The following ANO10 variants were observed in gnomAD, a reference collection of about 807,000 sequenced individuals.
The protein encoded by ANO10 is anoctamin-10.
Under a neutral mutation model 74.7 loss-of-function variants are expected in ANO10, and 77 were observed. The ratio of observed to expected loss-of-function variants is 1.03; its 90% CI spans 0.86 to 1.25. ANO10 has a LOEUF of 1.25. ANO10 is among the 50% of genes most tolerant of loss of function. The pLI, the probability that ANO10 is intolerant of heterozygous loss-of-function variation, is 0.00. For synonymous variants in ANO10, 279 were observed against 284.9 expected, an observed-to-expected ratio of 0.98 and a Z score of 0.21; for missense variants, 721 against 778.1, an observed-to-expected ratio of 0.93 and a Z score of 0.87.
intron 4 of ANO10, among the ~76,000 whole-genome samples, chr3:43,590,046 G>A (rs941271023): frequency 2.6e-5 from 4 of 152,064 alleles, no homozygotes; most frequent in African/African-American, 9.7e-5. Context: ...CTAAATTTTT[G>A]TACTATTTGA....
intron 11 of ANO10, among the ~76,000 whole-genome samples, chr3:43,453,174 TC>T (rs140971310): frequency 7.8e-6 from 1 of 127,470 alleles, no homozygotes; most frequent in Non-Finnish European, 1.6e-5. Flanking sequence ...TATCTTCTTT[TC>T]CCCCTTTTTT....
chr3:43,552,718 ATATATATATATGTATG>A (rs1195210002), intron 10 of ANO10, among the ~76,000 whole-genome samples: 210 of 133,094 alleles, frequency 1.6e-3, no homozygotes, highest in African/African-American at 5.7e-3. Flanking sequence ...ATATATATAT[ATATATATATATGTATG>A]TATGTATGTA....
chr3:43,445,137 A>G (rs2093225600), intron 11 of ANO10, among the ~76,000 whole-genome samples: 1 of 151,380 alleles, frequency 6.6e-6, no homozygotes, highest in Non-Finnish European at 1.5e-5. Context: ...AAAAAAAAAA[A>G]AAAAAAAGTT....
At chr3:43,591,977 C>T (rs930399674) in intron 4 of ANO10, among the ~76,000 whole-genome samples, 14 of 152,238 alleles carry the variant, frequency 9.2e-5, no homozygotes, top group Admixed American at 6.5e-5. Flanking sequence ...GAGGGTCCCA[C>T]GCCCACGGAG....
intron 1 of ANO10, among the ~76,000 whole-genome samples, chr3:43,651,759 A>G (rs1405666293): frequency 6.6e-6 from 1 of 152,174 alleles, no homozygotes; most frequent in African/African-American, 2.4e-5. Context: ...TAATAACATC[A>G]GGGGCAGGTT....
intron 12 of ANO10, among the ~76,000 whole-genome samples, chr3:43,405,127 A>G (rs1171057885): frequency 1.3e-5 from 2 of 152,248 alleles, no homozygotes; most frequent in Non-Finnish European, 2.9e-5. Flanking sequence ...ATGTCCTTTT[A>G]ATCTTAAACA....
chr3:43,664,914 T>C (rs1372780375), intron 1 of ANO10, among the ~76,000 whole-genome samples: 1 of 149,310 alleles, frequency 6.7e-6, no homozygotes, highest in African/African-American at 2.5e-5. Flanking sequence ...ATAGGAATGC[T>C]TTTACACTGT....
At chr3:43,493,829 G>A (rs1391689908) in intron 11 of ANO10, among the ~76,000 whole-genome samples, 1 of 152,110 alleles carries the variant, frequency 6.6e-6, no homozygotes, top group African/African-American at 2.4e-5. Context: ...TCCAAATCCT[G>A]GATTCAGGTG....
intron 11 of ANO10, among the ~76,000 whole-genome samples, chr3:43,498,419 T>C (rs1231662313): frequency 6.6e-6 from 1 of 152,198 alleles, no homozygotes; most frequent in Non-Finnish European, 1.5e-5. Context: ...TGACCTAACC[T>C]GGGAGGACAA....
chr3:43,416,687 G>C (rs2092743812), intron 12 of ANO10, among the ~76,000 whole-genome samples: 2 of 152,068 alleles, frequency 1.3e-5, no homozygotes, highest in South Asian at 4.1e-4. Flanking sequence ...AAGGACATCT[G>C]GTTAAACACC....
At chr3:43,616,332 A>G (rs543967375) in intron 1 of ANO10, among the ~76,000 whole-genome samples, 2 of 152,352 alleles carry the variant, frequency 1.3e-5, no homozygotes, top group African/African-American at 2.4e-5. Flanking sequence ...TCTTTGAACA[A>G]CACCATGCCA....
intron 12 of ANO10, among the ~76,000 whole-genome samples, chr3:43,378,603 C>T (rs2091876908): frequency 6.6e-6 from 1 of 152,138 alleles, no homozygotes; most frequent in Middle Eastern, 3.4e-3. Flanking sequence ...TTGATAATTA[C>T]AACATTATGA....
chr3:43,368,003 A>G (rs1281851717), intron 12 of ANO10, among the ~76,000 whole-genome samples: 1 of 152,104 alleles, frequency 6.6e-6, no homozygotes, highest in Non-Finnish European at 1.5e-5. Flanking sequence ...ACAGACTGTC[A>G]ATCAAAAGTC....
chr3:43,674,256 T>A (rs557441214), intron 1 of ANO10, among the ~76,000 whole-genome samples: 1 of 152,170 alleles, frequency 6.6e-6, no homozygotes, highest in South Asian at 2.1e-4. Flanking sequence ...CTTCCCTCCT[T>A]ATCCTCCAGA....
At position 43,683,928 on chromosome 3, in the gene ANO10, T is replaced by C. The variant is rs527323652; in HGVS notation, c.-12+7589A>G. Among the ~76,000 whole-genome samples the C allele has an allele frequency of 2.0e-5, 3 of 152,218 alleles. No homozygotes were observed. The South Asian group carries it at 6.2e-4, about 32-fold the overall frequency. On this transcript the variant is annotated intron_variant, in intron 1 of 3. Coordinates refer to the ANO10 transcript ENST00000413397. ...TCCTTACACCTTATACAAAAATTAATTCAAGATGGATTAAAGACTTAAATG... is the reference window on the plus strand; with the variant it reads ...TCCTTACACCTTATACAAAAATTAACTCAAGATGGATTAAAGACTTAAATG...
chr3:43,666,839 T>C (rs929328917), intron 1 of ANO10, among the ~76,000 whole-genome samples: 1 of 152,154 alleles, frequency 6.6e-6, no homozygotes, highest in African/African-American at 2.4e-5. Context: ...TGTCTTCACA[T>C]GGCAGAATGG....
At chr3:43,644,844 TG>T (rs35786174) in intron 1 of ANO10, among the ~76,000 whole-genome samples, 4 of 152,230 alleles carry the variant, frequency 2.6e-5, no homozygotes, top group Non-Finnish European at 4.4e-5. Context: ...GCTGGCACCC[TG>T]GGTGTTTCAC....
chr3:43,654,295 C>T (rs1162008538), intron 1 of ANO10, among the ~76,000 whole-genome samples: 1 of 152,084 alleles, frequency 6.6e-6, no homozygotes, highest in African/African-American at 2.4e-5. Flanking sequence ...ATTTTTCTTC[C>T]TATGTCTTTG....
At chr3:43,523,528 G>A (rs2078051952) in intron 11 of ANO10, among the ~76,000 whole-genome samples, 3 of 152,134 alleles carry the variant, frequency 2.0e-5, no homozygotes, top group Non-Finnish European at 2.9e-5. Context: ...AATAATGAGG[G>A]CTTACCCTAA....
Sources: gnomAD v4.1 joint callset for allele counts (sites outside exome capture counted in the v4.1 genomes callset) on GRCh38, gnomAD v4.1.1 for gene constraint, MANE v1.5 for transcripts, NCBI Gene and HGNC (gene_info 2026-07-23, HGNC 2026-07-21) for gene names.